Variants in DACH1 observed in about 807,000 individuals in gnomAD.
The protein encoded by DACH1 is dachshund homolog 1.
In DACH1, 12 loss-of-function variants were observed where a neutral mutation model predicts 54.2. The observed-to-expected ratio is 0.22, with a 90% CI of 0.14 to 0.36. DACH1 has a LOEUF of 0.36. Among genes scored for constraint, DACH1 ranks in the 10% least tolerant of loss-of-function variants. The pLI is 1.00. For synonymous variants in DACH1, 386 were observed against 366.2 expected, an observed-to-expected ratio of 1.05 and a Z score of -0.62; for missense variants, 805 against 929.8, an observed-to-expected ratio of 0.87 and a Z score of 1.75.
chr13:71,704,023 A>C (rs1476753311), intron 1 of DACH1, among the ~76,000 whole-genome samples: 1 of 152,236 alleles, frequency 6.6e-6, no homozygotes, highest in Admixed American at 6.5e-5. Context: ...ATTCACTTTC[A>C]AACTACTTAA....
At chr13:71,630,739 T>C in intron 2 of DACH1, 22 bp from the exon 3 acceptor site, 1 of 1,538,304 alleles carries the variant, frequency 6.5e-7, no homozygotes. Context: ...AAATTAAAAA[T>C]GAGGTAATTC....
chr13:71,563,308 TA>T (rs549154977), intron 4 of DACH1, among the ~76,000 whole-genome samples: 1 of 152,012 alleles, frequency 6.6e-6, no homozygotes, highest in Non-Finnish European at 1.5e-5. Context: ...TGAACAGACA[TA>T]AAGTACAATC....
intron 10 of DACH1, among the ~76,000 whole-genome samples, chr13:71,466,845 CA>C (rs55861394): frequency 1.7e-4 from 17 of 99,450 alleles, no homozygotes; most frequent in African/African-American, 5.5e-4. Context: ...CACCCTGTCT[CA>C]AAAAAAAAAA....
intron 1 of DACH1, among the ~76,000 whole-genome samples, chr13:71,824,572 G>GGA (rs35091567): frequency 0.46 from 69,944 of 151,604 alleles, 19,523 homozygotes; most frequent in Non-Finnish European, 0.64. Context: ...AGTGAGAGAG[G>GGA]GAAGGGATGA....
Position 71,613,154 on chromosome 13 carries a change from A to G in DACH1, c.1126+17402T>C, listed in dbSNP as rs145934862. 5.1e-3 allele frequency among the ~76,000 whole-genome samples: 784 copies of G among 152,350 alleles called. 6 individuals carry two copies. Among genetic ancestry groups the G allele is most frequent in the African/African-American group, 0.018 (744 of 41,584 alleles). ...CATTCGAGGAAAGACATTTAAGCAG[A>G]GACTGGAAAATGAGTAGGAATTCCA... On this transcript the variant is annotated intron_variant, in intron 3 of 10. Transcript: ENST00000613252.
intron 10 of DACH1, among the ~76,000 whole-genome samples, chr13:71,460,955 A>G (rs1876016729): frequency 6.6e-6 from 1 of 152,008 alleles, no homozygotes; most frequent in African/African-American, 2.4e-5. Flanking sequence ...TTTTTCTCTT[A>G]TCTATTACAT....
intron 10 of DACH1, among the ~76,000 whole-genome samples, chr13:71,469,789 G>A (rs976092171): frequency 6.6e-6 from 1 of 152,136 alleles, no homozygotes; most frequent in South Asian, 2.1e-4. Context: ...ACAGAAAGAA[G>A]ATATTTTTAC....
At chr13:71,708,030 G>A (rs1387424411) in intron 1 of DACH1, among the ~76,000 whole-genome samples, 1 of 151,006 alleles carries the variant, frequency 6.6e-6, no homozygotes. Flanking sequence ...TTCTCCAAAG[G>A]CTAGTAATCA....
intron 6 of DACH1, among the ~76,000 whole-genome samples, chr13:71,554,983 G>A (rs969041683): frequency 1.3e-5 from 2 of 152,142 alleles, no homozygotes; most frequent in Non-Finnish European, 1.5e-5. Flanking sequence ...TCCAATTCTA[G>A]TACTGGTCAT....
chr13:71,835,924 T>C (rs1888766132), intron 1 of DACH1, among the ~76,000 whole-genome samples: 1 of 152,096 alleles, frequency 6.6e-6, no homozygotes, highest in Non-Finnish European at 1.5e-5. Context: ...CTATTGTATT[T>C]AAGATATTTA....
At chr13:71,550,530 A>G (rs899819643) in intron 6 of DACH1, among the ~76,000 whole-genome samples, 1 of 152,152 alleles carries the variant, frequency 6.6e-6, no homozygotes, top group Non-Finnish European at 1.5e-5. Flanking sequence ...AAGTAAATAA[A>G]TATTATAGTC....
chr13:71,600,340 G>T (rs1874403335), intron 3 of DACH1, among the ~76,000 whole-genome samples: 1 of 152,150 alleles, frequency 6.6e-6, no homozygotes, highest in East Asian at 1.9e-4. Flanking sequence ...ACTACTACTG[G>T]CTGGACTAAA....
At chr13:71,865,308 C>G (rs1874654049) in intron 1 of DACH1, among the ~76,000 whole-genome samples, 1 of 152,172 alleles carries the variant, frequency 6.6e-6, no homozygotes, top group Non-Finnish European at 1.5e-5. Flanking sequence ...CTCTCAGCTT[C>G]GCGGGTCATT....
chr13:71,692,038 C>CACACAG (rs1555311331), intron 1 of DACH1, among the ~76,000 whole-genome samples: 1 of 151,720 alleles, frequency 6.6e-6, no homozygotes, highest in Non-Finnish European at 1.5e-5. Flanking sequence ...CACACACACA[C>CACACAG]ACACACACAG....
chr13:71,716,459 CT>C (rs1358409108), intron 1 of DACH1, among the ~76,000 whole-genome samples: 2 of 152,018 alleles, frequency 1.3e-5, no homozygotes, highest in African/African-American at 2.4e-5. Context: ...TAGTTGGAAC[CT>C]AATTACTTTC....
At chr13:71,688,672 T>A (rs1245271935) in intron 1 of DACH1, among the ~76,000 whole-genome samples, 6 of 152,122 alleles carry the variant, frequency 3.9e-5, no homozygotes, top group African/African-American at 1.4e-4. Flanking sequence ...GGCACCTGCT[T>A]ACAAATATCA....
At chr13:71,766,770 G>A (rs1885646872) in intron 1 of DACH1, among the ~76,000 whole-genome samples, 1 of 151,116 alleles carries the variant, frequency 6.6e-6, no homozygotes, top group Admixed American at 6.6e-5. Flanking sequence ...TGAAAGCACT[G>A]AAAAAAACAA....
At position 71,504,781 on chromosome 13, in the gene DACH1, C is replaced by A. The variant is rs572260471; in HGVS notation, c.1571-15633G>T. ...GATGGCATGTTCAATGTATATCAAG[C>A]TACCATTATTACTACTTGATATTTT... On this transcript the variant is annotated intron_variant, in intron 6 of 10. Coordinates refer to ENST00000613252, the MANE Select transcript of DACH1 (RefSeq NM_080759.6). 5.9e-5 allele frequency among the ~76,000 whole-genome samples: 9 copies of A among 152,242 alleles called. No individual in the cohort carries two copies. The South Asian group carries it at 1.7e-3, about 28-fold the overall frequency.
At chr13:71,529,687 T>C (rs1347570112) in intron 6 of DACH1, among the ~76,000 whole-genome samples, 1 of 152,188 alleles carries the variant, frequency 6.6e-6, no homozygotes, top group Non-Finnish European at 1.5e-5. Context: ...GTTGCATCTG[T>C]ATATCACCAT....
Sources: gnomAD v4.1 joint callset for allele counts (sites outside exome capture counted in the v4.1 genomes callset) on GRCh38, gnomAD v4.1.1 for gene constraint, MANE v1.5 for transcripts, NCBI Gene and HGNC (gene_info 2026-07-23, HGNC 2026-07-21) for gene names.